Variants in PVT1 observed in about 807,000 individuals in gnomAD.
PVT1 encodes Pvt1 oncogene.
intron 3 of PVT1, among the ~76,000 whole-genome samples, chr8:127,970,396 C>T (rs1273472647): frequency 6.7e-6 from 1 of 149,670 alleles, no homozygotes; most frequent in Non-Finnish European, 1.5e-5. Flanking sequence ...CTCCCAGGCT[C>T]ACGCCATTCA....
At chr8:127,885,246 C>T (rs1815510257) in intron 2 of PVT1, among the ~76,000 whole-genome samples, 1 of 152,072 alleles carries the variant, frequency 6.6e-6, no homozygotes, top group African/African-American at 2.4e-5. Context: ...GAGCCTCTTC[C>T]ATTTGATGTG....
chr8:127,996,827 G>C (rs928883672), intron 4 of PVT1, among the ~76,000 whole-genome samples: 4 of 152,030 alleles, frequency 2.6e-5, no homozygotes, highest in Non-Finnish European at 4.4e-5. Flanking sequence ...CTTCTGTGAA[G>C]CCGGAAAGGA....
At chr8:127,869,800 T>G (rs1036744571) in intron 2 of PVT1, among the ~76,000 whole-genome samples, 3 of 151,662 alleles carry the variant, frequency 2.0e-5, no homozygotes, top group Admixed American at 6.6e-5. Flanking sequence ...GGACATAGGG[T>G]TTTTGTTTTT....
intron 4 of PVT1, among the ~76,000 whole-genome samples, chr8:128,012,001 T>C (rs1484370179): frequency 6.6e-6 from 1 of 152,192 alleles, no homozygotes; most frequent in Non-Finnish European, 1.5e-5. Context: ...TAAGGTCACT[T>C]AGTCTTTGGG....
chr8:127,998,503 T>G (rs542622030), intron 4 of PVT1: 1 of 151,812 alleles, frequency 6.6e-6, no homozygotes, highest in African/African-American at 2.4e-5. Context: ...TTATTATGGG[T>G]CTTTCTTTCT....
intron 4 of PVT1, among the ~76,000 whole-genome samples, chr8:128,037,592 A>G (rs933773603): frequency 3.3e-5 from 5 of 152,198 alleles, no homozygotes; most frequent in Non-Finnish European, 5.9e-5. Context: ...TAGCATAAAT[A>G]CACGCTAGGC....
chr8:128,014,798 G>A (rs1817352825), intron 4 of PVT1, among the ~76,000 whole-genome samples: 1 of 152,224 alleles, frequency 6.6e-6, no homozygotes, highest in Non-Finnish European at 1.5e-5. Context: ...GAAAGCTAAT[G>A]ACAAATGCAA....
At chr8:127,892,421 G>A (rs1334087634) in intron 3 of PVT1, among the ~76,000 whole-genome samples, 4 of 152,120 alleles carry the variant, frequency 2.6e-5, no homozygotes, top group African/African-American at 9.7e-5. Flanking sequence ...GTGACTCTCC[G>A]TGGTTTTCTC....
chr8:127,949,379 CTGTGTG>C (rs61425056), intron 3 of PVT1, among the ~76,000 whole-genome samples: 4,614 of 111,296 alleles, frequency 0.041, 117 homozygotes, highest in South Asian at 0.065. Flanking sequence ...ACTCCAGGAG[CTGTGTG>C]TGTGTGTGTG....
intron 4 of PVT1, among the ~76,000 whole-genome samples, chr8:128,047,139 T>A (rs1813624813): frequency 6.6e-6 from 1 of 152,236 alleles, no homozygotes; most frequent in South Asian, 2.1e-4. Flanking sequence ...GCAGTTGACA[T>A]TTGCTGTGCC....
chr8:127,963,986 T>C (rs1384276230), intron 3 of PVT1, among the ~76,000 whole-genome samples: 1 of 152,086 alleles, frequency 6.6e-6, no homozygotes, highest in Non-Finnish European at 1.5e-5. Flanking sequence ...GAATGTCGAG[T>C]GGAGAATGGC....
At chr8:127,911,513 G>C (rs750624055) in intron 3 of PVT1, among the ~76,000 whole-genome samples, 4 of 152,238 alleles carry the variant, frequency 2.6e-5, no homozygotes, top group African/African-American at 9.6e-5. Flanking sequence ...TGTGAAGTAC[G>C]GGACTGGAGG....
At chr8:127,991,166 G>A (rs1328368786) in intron 4 of PVT1, among the ~76,000 whole-genome samples, 7 of 126,344 alleles carry the variant, frequency 5.5e-5, no homozygotes, top group African/African-American at 2.1e-4. Flanking sequence ...TTTTTGAGAC[G>A]GAATCTTGCT....
chr8:127,935,092 T>C (rs1370463098), intron 3 of PVT1, among the ~76,000 whole-genome samples: 1 of 152,172 alleles, frequency 6.6e-6, no homozygotes, highest in East Asian at 1.9e-4. Flanking sequence ...TCAGCCGCCG[T>C]AGTAGCTGGG....
At chr8:127,939,994 G>A (rs766659296) in intron 3 of PVT1, 1 of 152,144 alleles carries the variant, frequency 6.6e-6, no homozygotes, top group Non-Finnish European at 1.5e-5. Flanking sequence ...GTGGAGGTGG[G>A]TGGGAGAATG....
At chr8:128,046,636 G>A (rs906046927) in intron 4 of PVT1, among the ~76,000 whole-genome samples, 1 of 152,222 alleles carries the variant, frequency 6.6e-6, no homozygotes, top group African/African-American at 2.4e-5. Context: ...CAGCTCCTTA[G>A]CACAGCACCT....
intron 5 of PVT1, among the ~76,000 whole-genome samples, chr8:128,075,843 A>G (rs1019151251): frequency 6.6e-6 from 1 of 152,208 alleles, no homozygotes; most frequent in African/African-American, 2.4e-5. Context: ...CAAATTATTT[A>G]TCTGCTTTCC....
At chr8:127,877,925 CA>C (rs1815422998) in intron 2 of PVT1, among the ~76,000 whole-genome samples, 1 of 151,880 alleles carries the variant, frequency 6.6e-6, no homozygotes, top group Non-Finnish European at 1.5e-5. Context: ...GACTCTGTCT[CA>C]AAAAAACAAC....
At chr8:127,914,226 G>T (rs1172611688) in intron 3 of PVT1, among the ~76,000 whole-genome samples, 1 of 116,030 alleles carries the variant, frequency 8.6e-6, no homozygotes, top group Non-Finnish European at 1.6e-5. Flanking sequence ...TACCTACTAG[G>T]ATGGCTGTAA....
Sources: gnomAD v4.1 joint callset for allele counts (sites outside exome capture counted in the v4.1 genomes callset) on GRCh38, gnomAD v4.1.1 for gene constraint, MANE v1.5 for transcripts, NCBI Gene and HGNC (gene_info 2026-07-23, HGNC 2026-07-21) for gene names.